The following PCDHGA12 variants were observed in gnomAD, a reference collection of about 807,000 sequenced individuals.
The protein encoded by PCDHGA12 is protocadherin gamma subfamily A, 12.
In PCDHGA12, 43 loss-of-function variants were observed where a neutral mutation model predicts 61.1. That is an observed-to-expected ratio of 0.70 (90% CI 0.55 to 0.91). The LOEUF (loss-of-function observed/expected upper bound fraction) is 0.91, where lower values mean the gene tolerates loss of function less well. Ranked by LOEUF, PCDHGA12 falls within the 40% of genes least tolerant of loss-of-function variation. The pLI is 0.00. For missense variants in PCDHGA12, 1,236 were observed against 1,227.7 expected (o/e 1.01, Z -0.10); for synonymous variants, 520 against 542.9 (o/e 0.96, Z 0.59).
Position 141,490,575 on chromosome 5 carries a change from A to G in PCDHGA12, c.2425-4232A>G. 2 of 1,614,140 alleles carry G rather than the reference A, an allele frequency of 1.2e-6. No individual in the cohort carries two copies. The highest frequency in any genetic ancestry group is 2.2e-5 in the East Asian group (1 of 44,876). Reference sequence around the variant, plus strand: ...ATCTCACCATCAGGCTCAACATTTCAGATGTCAATGACAATGCACCCCGCT... The same window carrying G: ...ATCTCACCATCAGGCTCAACATTTCGGATGTCAATGACAATGCACCCCGCT... On this transcript the variant is annotated intron_variant, in intron 1 of 3. Transcript: ENST00000252085. This position sits in a 1 kb window ranked among gnomAD's most constrained non-coding sequence, Gnocchi z 5.4.
rs1362252002 is a variant in PCDHGA12, at chr5:141,486,112, G to C, written c.2425-8695G>C. ...TGGGGCCCCTAGACTTTGAGAGTGA[G>C]AATTACTATGAATTTGATGTGCGGG... On this transcript the variant is annotated intron_variant, in intron 1 of 3. Coordinates refer to ENST00000252085, the MANE Select transcript of PCDHGA12 (RefSeq NM_003735.3). The surrounding 1 kb of genome is among the most constrained non-coding windows in gnomAD (Gnocchi z 5.0). 6 of 1,614,166 alleles carry C rather than the reference G, an allele frequency of 3.7e-6. No individual in the cohort carries two copies. The highest frequency in any genetic ancestry group is 1.7e-6 in the Non-Finnish European group (2 of 1,180,024).
In PCDHGA12 at chr5:141,477,787, C is replaced by A; in HGVS notation, c.2425-17020C>A. The stretch of plus-strand genomic sequence containing the variant: ...CCAACATCAGCGTGAACATATTTGT[C>A]ACTGATCGCAATGACAATGCCCCCC... On this transcript the variant is annotated intron_variant, in intron 1 of 3. Transcript: ENST00000252085. The surrounding 1 kb of genome is among the most constrained non-coding windows in gnomAD (Gnocchi z 4.9). The A allele has an allele frequency of 6.2e-7, 1 of 1,614,092 alleles. No homozygotes were observed. The highest frequency in any genetic ancestry group is 8.5e-7 in the Non-Finnish European group (1 of 1,180,034).
chr5:141,502,862 C>T (rs2099816351), intron 2 of PCDHGA12, among the ~76,000 whole-genome samples: 1 of 68,558 alleles, frequency 1.5e-5, no homozygotes, highest in African/African-American at 1.0e-4. Context: ...CCCTGACTCT[C>T]TGTCTTTTTT....
intron 2 of PCDHGA12, among the ~76,000 whole-genome samples, chr5:141,502,382 T>C (rs1668612742): frequency 1.3e-5 from 2 of 152,088 alleles, no homozygotes; most frequent in Non-Finnish European, 2.9e-5. Context: ...CCAGGCCAGT[T>C]GTACTTTAAA....
At chr5:141,474,756 T>C (rs2099354156) in intron 1 of PCDHGA12, among the ~76,000 whole-genome samples, 1 of 152,244 alleles carries the variant, frequency 6.6e-6, no homozygotes, top group Non-Finnish European at 1.5e-5. Flanking sequence ...AAGACAAATA[T>C]ACAGAAATAG....
intron 1 of PCDHGA12, among the ~76,000 whole-genome samples, chr5:141,488,238 C>T (rs374846692): frequency 5.3e-5 from 8 of 152,036 alleles, no homozygotes; most frequent in Non-Finnish European, 1.0e-4. Flanking sequence ...GAACTAGATG[C>T]GGTAAATTGG....
chr5:141,494,898 T>C, intron 2 of PCDHGA12, 33 bp downstream of exon 2: 1 of 1,614,074 alleles, frequency 6.2e-7, no homozygotes, highest in Non-Finnish European at 8.5e-7. Flanking sequence ...CACCCTCTTC[T>C]CTGCGGCATT....
intron 1 of PCDHGA12, among the ~76,000 whole-genome samples, chr5:141,467,758 C>CTCAA (rs933308513): frequency 6.6e-5 from 10 of 152,018 alleles, no homozygotes; most frequent in Admixed American, 5.9e-4. Flanking sequence ...GCCTCACATG[C>CTCAA]TCAAGTGCCC....
intron 1 of PCDHGA12, among the ~76,000 whole-genome samples, chr5:141,446,120 T>C (rs2098489182): frequency 6.6e-6 from 1 of 152,196 alleles, no homozygotes; most frequent in Admixed American, 6.5e-5. Flanking sequence ...AGGAAATGGG[T>C]TCAATAAGAC....
rs752402965 is a variant in PCDHGA12, at chr5:141,491,400, C to G, written c.2425-3407C>G. The G allele has an allele frequency of 2.7e-5, 44 of 1,613,990 alleles. No individual in the cohort carries two copies. The highest frequency in any genetic ancestry group is 3.5e-5 in the Non-Finnish European group (41 of 1,179,996). On this transcript the variant is annotated intron_variant, in intron 1 of 3. Coordinates refer to ENST00000252085, the MANE Select transcript of PCDHGA12 (RefSeq NM_003735.3). The surrounding 1 kb of genome is among the most constrained non-coding windows in gnomAD (Gnocchi z 6.9). ...TGTCAGCGAAGTGCCTTCAGGGAAA[C>G]GCAGACGGGGACGGGGGTGGAGGGC... is the stretch of plus-strand genomic sequence containing the variant.
At position 141,476,881 on chromosome 5, in the gene PCDHGA12, G is replaced by A. The variant is rs1458703890; in HGVS notation, c.2425-17926G>A. On this transcript the variant is annotated intron_variant, in intron 1 of 3. Coordinates refer to ENST00000252085, the MANE Select transcript of PCDHGA12 (RefSeq NM_003735.3). The surrounding 1 kb of genome is among the most constrained non-coding windows in gnomAD (Gnocchi z 7.6). The stretch of plus-strand genomic sequence containing the variant: ...CCTTGTACCGGGCGCGCGTCCTGGA[G>A]GATGCACCCTCCGGCACGCGCGTGG... 1.9e-6 allele frequency: 3 copies of A among 1,613,874 alleles called. No homozygotes were observed. Among genetic ancestry groups the A allele is most frequent in the Middle Eastern group, 1.6e-4 (1 of 6,084 alleles).
rs1384790784 is a variant in PCDHGA12, at chr5:141,431,800, G to T, written c.1041G>T (p.Val347=). 1 of 1,614,206 alleles carries T rather than the reference G, an allele frequency of 6.2e-7. No individual in the cohort carries two copies. Among genetic ancestry groups the T allele is most frequent in the African/African-American group, 1.3e-5 (1 of 75,054 alleles). ...VLDVNDNAPE[V]VLTSLASSVP... ...ACGTGAACGACAATGCCCCAGAAGT[G>T]GTCCTCACCTCTCTCGCCAGCTCGG... The change falls in exon 1 of 4, where the codon GTG becomes GTT. Residue 347 remains valine, a synonymous_variant. Transcript: ENST00000252085. This position sits in a 1 kb window ranked among gnomAD's most constrained non-coding sequence, Gnocchi z 4.8.
In PCDHGA12 at chr5:141,430,996, G is replaced by A. The variant is rs1256552269; in HGVS notation, c.237G>A (p.Pro79=). The part of the protein sequence containing the change: ...RGRTQLFALN[P]RSGSLVTAGR... ...GGACGCAGCTTTTCGCCCTGAATCC[G>A]CGCAGCGGCAGCTTGGTCACGGCGG... Residue 79 remains proline (P), a synonymous_variant, in exon 1 of 4, where the codon CCG becomes CCA. Transcript: ENST00000252085. 3.7e-6 allele frequency: 6 copies of A among 1,614,024 alleles called. No homozygotes were observed. The highest frequency in any genetic ancestry group is 5.1e-6 in the Non-Finnish European group (6 of 1,179,950).
chr5:141,472,751 G>A (rs1000022316), intron 1 of PCDHGA12, among the ~76,000 whole-genome samples: 5 of 151,850 alleles, frequency 3.3e-5, no homozygotes, highest in East Asian at 3.9e-4. Flanking sequence ...TTTGGGAGGC[G>A]GAGGCTGGCA....
At chr5:141,461,592 A>G (rs777372149) in intron 1 of PCDHGA12, among the ~76,000 whole-genome samples, 4 of 152,148 alleles carry the variant, frequency 2.6e-5, no homozygotes, top group African/African-American at 2.4e-5. Flanking sequence ...TTATATTTCC[A>G]TTATAATTTA....
At chr5:141,480,085 A>G (rs2099512286) in intron 1 of PCDHGA12, among the ~76,000 whole-genome samples, 1 of 152,216 alleles carries the variant, frequency 6.6e-6, no homozygotes, top group Admixed American at 6.5e-5. Context: ...TGCATGATAT[A>G]ATGTATGCAA....
chr5:141,505,625 C>T, intron 3 of PCDHGA12, 144 bp downstream of exon 3: 1 of 1,489,114 alleles, frequency 6.7e-7, no homozygotes, highest in Non-Finnish European at 9.0e-7. Context: ...CCCACAATTC[C>T]AAACATAAAG....
In PCDHGA12 at chr5:141,438,591, C is replaced by T. The variant is rs12717894; in HGVS notation, c.2424+5408C>T. 3.5e-3 allele frequency among the ~76,000 whole-genome samples: 262 copies of T among 75,376 alleles called. 1 individual carries two copies. The highest frequency in any genetic ancestry group is 4.5e-3 in the Non-Finnish European group (168 of 37,204). 49.4% of individuals were successfully genotyped at this position (75,376 alleles called of 152,430 possible). ...TCTGATATACATACATACATACATA[C>T]ATATATATATATATATATATATATA... On this transcript the variant is annotated intron_variant, in intron 1 of 3. Transcript: ENST00000252085.
intron 1 of PCDHGA12, among the ~76,000 whole-genome samples, chr5:141,465,104 T>A (rs1044128193): frequency 1.3e-5 from 2 of 151,862 alleles, no homozygotes; most frequent in East Asian, 3.9e-4. Context: ...GTTTTTTTTT[T>A]AAGTGTTTTA....
Sources: allele counts gnomAD v4.1 joint callset (sites outside exome capture counted in the v4.1 genomes callset), GRCh38; gene constraint gnomAD v4.1.1; non-coding constraint Gnocchi (gnomAD v3.1); transcripts MANE v1.5; gene names NCBI Gene and HGNC (gene_info 2026-07-23, HGNC 2026-07-21).